The following RANBP17 variants were observed in gnomAD, a reference collection of about 807,000 sequenced individuals.
The protein encoded by RANBP17 is ran-binding protein 17.
RANBP17 carries 158 observed loss-of-function variants against 141.2 expected under a neutral mutation model. The ratio of observed to expected loss-of-function variants is 1.12; its 90% CI spans 0.98 to 1.28. RANBP17 has a LOEUF of 1.28. RANBP17 is among the 50% of genes most tolerant of loss of function. RANBP17 has a pLI of 0.00. For synonymous variants in RANBP17, 430 were observed against 450.0 expected (o/e 0.96, Z 0.56); for missense variants, 1,438 against 1,290.7 (o/e 1.11, Z -1.75).
At chr5:171,144,418 G>C (rs537161700) in intron 14 of RANBP17, among the ~76,000 whole-genome samples, 28 of 152,136 alleles carry the variant, frequency 1.8e-4, no homozygotes, top group East Asian at 1.5e-3. Flanking sequence ...GGGTGCCATT[G>C]AATATTTTTA....
At chr5:171,277,637 G>GTATGTATATGTATGTATATATA (rs1554127913) in intron 25 of RANBP17, among the ~76,000 whole-genome samples, 1 of 56,904 alleles carries the variant, frequency 1.8e-5, no homozygotes, top group Non-Finnish European at 3.4e-5. Flanking sequence ...ATATATGTAT[G>GTATGTATATGTATGTATATATA]TATATATATA....
chr5:170,942,768 T>C (rs1291770849), intron 12 of RANBP17, among the ~76,000 whole-genome samples: 1 of 152,206 alleles, frequency 6.6e-6, no homozygotes, highest in Non-Finnish European at 1.5e-5. Flanking sequence ...TTTTCATATA[T>C]ATCAATTATT....
At position 170,938,891 on chromosome 5, in the gene RANBP17, C is replaced by CG. The variant is rs572005025; in HGVS notation, c.1468+14341_1468+14342insG. Among the ~76,000 whole-genome samples the CG allele has an allele frequency of 4.1e-3, 620 of 152,278 alleles. 5 individuals are homozygous for CG. Among genetic ancestry groups the CG allele is most frequent in the African/African-American group, 0.014 (598 of 41,550 alleles). On this transcript the variant is annotated intron_variant, in intron 12 of 27. Coordinates refer to ENST00000523189, the MANE Select transcript of RANBP17 (RefSeq NM_022897.5). ...AGGAGAGGTGATAACTGAAGAAATT[C>CG]TGAGAATTTTTTTGACTTAATAGAA...
intron 14 of RANBP17, among the ~76,000 whole-genome samples, chr5:171,005,928 A>G (rs1393925646): frequency 1.3e-5 from 2 of 152,186 alleles, no homozygotes; most frequent in African/African-American, 2.4e-5. Flanking sequence ...ATCAAAAAGT[A>G]GGCAAAGGAT....
intron 14 of RANBP17, among the ~76,000 whole-genome samples, chr5:171,000,608 A>G (rs1473112910): frequency 6.6e-6 from 1 of 152,174 alleles, no homozygotes; most frequent in Non-Finnish European, 1.5e-5. Flanking sequence ...GAGACCACCA[A>G]ACAGCCTTTG....
At chr5:171,043,583 G>C (rs1782386102) in intron 14 of RANBP17, among the ~76,000 whole-genome samples, 1 of 152,090 alleles carries the variant, frequency 6.6e-6, no homozygotes. Flanking sequence ...CAGTAAACAG[G>C]AATATATTTA....
In RANBP17 at chr5:170,987,497, T is replaced by C. The variant is rs368570180; in HGVS notation, c.1710+19120T>C. On this transcript the variant is annotated intron_variant, in intron 14 of 27. Transcript: ENST00000523189. Reference sequence around the variant, plus strand: ...TTGTTATTTTAATAGTCATGTCATATGCTCAATACATATATAATACATTAG... The same window carrying C: ...TTGTTATTTTAATAGTCATGTCATACGCTCAATACATATATAATACATTAG... 2.6e-5 allele frequency among the ~76,000 whole-genome samples: 4 copies of C among 151,362 alleles called. No homozygotes were observed. In the South Asian group the frequency reaches 8.3e-4, roughly 32 times the overall value.
chr5:170,947,761 T>A (rs142499368), intron 12 of RANBP17, among the ~76,000 whole-genome samples: 234 of 152,222 alleles, frequency 1.5e-3, no homozygotes, highest in Middle Eastern at 3.4e-3. Context: ...TCTCTCCAGA[T>A]GGCTAGTTCG....
At chr5:170,895,709 T>C (rs1770057061) in intron 4 of RANBP17, among the ~76,000 whole-genome samples, 1 of 152,340 alleles carries the variant, frequency 6.6e-6, no homozygotes, top group Middle Eastern at 3.4e-3. Context: ...CTTGGTCTTA[T>C]AAAAGGTATT....
At chr5:171,148,611 T>TAGAGAG (rs1317409490) in intron 14 of RANBP17, among the ~76,000 whole-genome samples, 75 of 150,320 alleles carry the variant, frequency 5.0e-4, no homozygotes, top group African/African-American at 1.8e-3. Context: ...TATATATATA[T>TAGAGAG]ATATAGAGAG....
chr5:171,191,319 T>G (rs1761614737), intron 18 of RANBP17, among the ~76,000 whole-genome samples: 1 of 151,662 alleles, frequency 6.6e-6, no homozygotes, highest in African/African-American at 2.4e-5. Flanking sequence ...ATAAACCACT[T>G]TCATAGGCAT....
chr5:171,168,717 A>T (rs776350050), intron 14 of RANBP17, among the ~76,000 whole-genome samples: 4 of 152,154 alleles, frequency 2.6e-5, no homozygotes, highest in Non-Finnish European at 5.9e-5. Flanking sequence ...CTTGTTAGAG[A>T]TGAAGGCCTA....
At position 170,992,192 on chromosome 5, in the gene RANBP17, A is replaced by T. The variant is rs868413452; in HGVS notation, c.1710+23815A>T. ...TTGTGTTGCATTTGTGTTTCCATCC[A>T]TTCCTCCTCTTTTGCTCTCCTCTGC... On this transcript the variant is annotated intron_variant, in intron 14 of 27. Transcript: ENST00000523189. 2.6e-5 allele frequency among the ~76,000 whole-genome samples: 4 copies of T among 152,072 alleles called. No individual in the cohort carries two copies. The South Asian group carries it at 6.2e-4, about 24-fold the overall frequency.
chr5:171,120,219 A>G (rs1418788436), intron 14 of RANBP17, among the ~76,000 whole-genome samples: 12 of 152,100 alleles, frequency 7.9e-5, no homozygotes, highest in Non-Finnish European at 1.5e-5. Flanking sequence ...TGGTGATTCA[A>G]GGCCCTCTTG....
At chr5:171,113,116 C>T (rs958413834) in intron 14 of RANBP17, among the ~76,000 whole-genome samples, 3 of 152,268 alleles carry the variant, frequency 2.0e-5, no homozygotes, top group African/African-American at 7.2e-5. Context: ...AGGGAACCCA[C>T]CCAAACTGCA....
chr5:170,903,603 C>T (rs866935202), intron 5 of RANBP17: 19 of 246,588 alleles, frequency 7.7e-5, no homozygotes, highest in Non-Finnish European at 1.3e-4. Flanking sequence ...TTTATCCTTC[C>T]GGTGAGGAGG....
chr5:171,209,357 A>G lies in RANBP17; in HGVS notation c.2231+3745A>G, dbSNP rs542702830. Among the ~76,000 whole-genome samples the G allele has an allele frequency of 2.4e-4, 36 of 152,368 alleles. No homozygotes were observed. The South Asian group carries it at 6.0e-3, about 25-fold the overall frequency. Reference sequence around the variant, plus strand: ...TTTAGACCCTTATTCCATAGGTAGTATAAAGAAACTAATGGTTTTGATTGA... The same window carrying G: ...TTTAGACCCTTATTCCATAGGTAGTGTAAAGAAACTAATGGTTTTGATTGA... On this transcript the variant is annotated intron_variant, in intron 20 of 27. Coordinates refer to ENST00000523189, the MANE Select transcript of RANBP17 (RefSeq NM_022897.5).
chr5:171,051,311 A>G (rs1782935837), intron 14 of RANBP17, among the ~76,000 whole-genome samples: 1 of 152,144 alleles, frequency 6.6e-6, no homozygotes, highest in Admixed American at 6.5e-5. Flanking sequence ...CCTTTAGTGC[A>G]TTCGCCACCT....
chr5:171,100,164 G>T (rs564336647), intron 14 of RANBP17, among the ~76,000 whole-genome samples: 1 of 152,172 alleles, frequency 6.6e-6, no homozygotes, highest in Non-Finnish European at 1.5e-5. Flanking sequence ...GTTTGGAATC[G>T]TTTCAGAAGG....
Sources: gnomAD v4.1 joint callset for allele counts (sites outside exome capture counted in the v4.1 genomes callset) on GRCh38, gnomAD v4.1.1 for gene constraint, MANE v1.5 for transcripts, NCBI Gene and HGNC (gene_info 2026-07-23, HGNC 2026-07-21) for gene names.